Variants in MPDZ observed in about 807,000 individuals in gnomAD.
MPDZ encodes multiple PDZ domain crumbs cell polarity complex component.
Under a neutral mutation model 239.1 loss-of-function variants are expected in MPDZ, and 234 were observed. That is an observed-to-expected ratio of 0.98 (90% CI 0.88 to 1.09). The LOEUF is 1.09. Among genes scored for constraint, MPDZ ranks in the 50% least tolerant of loss-of-function variants. MPDZ has a pLI of 0.00. For missense variants in MPDZ, 3,175 were observed against 2,510.0 expected (o/e 1.26, Z -5.66); for synonymous variants, 1,048 against 881.3 (o/e 1.19, Z -3.35).
At chr9:13,121,514 T>G (rs1416698928) in intron 38 of MPDZ, among the ~76,000 whole-genome samples, 1 of 152,202 alleles carries the variant, frequency 6.6e-6, no homozygotes, top group Non-Finnish European at 1.5e-5. Flanking sequence ...TGCTCAAAAA[T>G]ACACCAAATG....
In MPDZ at chr9:13,110,128, T is replaced by C. The variant is rs547612496; in HGVS notation, c.5830-64A>G. 98 of 1,184,504 alleles carry C rather than the reference T, an allele frequency of 8.3e-5. No individual in the cohort carries two copies. In the African/African-American group the frequency reaches 1.2e-3, roughly 15 times the overall value. The allele number at this position is 1,184,504 out of a possible 1,614,324, so 73.4% of individuals were successfully genotyped here. A position where few individuals can be genotyped will look rare whatever the true frequency, so the allele number is the denominator to read the frequency against. On this transcript the variant is annotated intron_variant, in intron 44 of 46. Transcript: ENST00000319217. ...TCCTGTGGCTAGGGAAAGTAATTTT[T>C]CTTCAGAAAGAGCACTTGGATTAAA... is the stretch of plus-strand genomic sequence containing the variant.
intron 23 of MPDZ, among the ~76,000 whole-genome samples, chr9:13,159,985 G>T (rs1950269911): frequency 6.6e-6 from 1 of 152,112 alleles, no homozygotes; most frequent in Non-Finnish European, 1.5e-5. Context: ...ATAATAAGTA[G>T]ATCTCTTTAT....
At chr9:13,175,908 T>A (rs113628108) in intron 20 of MPDZ, 33 bp from the exon 21 acceptor site, 1 of 1,567,144 alleles carries the variant, frequency 6.4e-7, no homozygotes, top group East Asian at 2.3e-5. Flanking sequence ...ACAAGTCACA[T>A]GGAAAGGGAA....
intron 3 of MPDZ, among the ~76,000 whole-genome samples, chr9:13,232,080 T>C (rs1962651290): frequency 6.6e-6 from 1 of 152,076 alleles, no homozygotes; most frequent in Admixed American, 6.6e-5. Flanking sequence ...TTTTAGGTAA[T>C]ACAATAAGGC....
chr9:13,113,854 T>C lies in MPDZ; in HGVS notation c.5557+77A>G, dbSNP rs569344999. ...GGGATGATTTGGGGGAAAAGAAAGC[T>C]CAGAGGTAAACAAGACAAAAAAATC... On this transcript the variant is annotated intron_variant, in intron 41 of 46. Coordinates refer to ENST00000319217, the MANE Select transcript of MPDZ (RefSeq NM_001378778.1). 165 of 1,115,568 alleles carry C rather than the reference T, an allele frequency of 1.5e-4. No homozygotes were observed. In the African/African-American group the frequency reaches 2.4e-3, roughly 16 times the overall value. 69.1% of individuals were successfully genotyped at this position (1,115,568 alleles called of 1,614,324 possible).
intron 13 of MPDZ, among the ~76,000 whole-genome samples, chr9:13,194,123 T>C (rs546578825): frequency 6.6e-6 from 1 of 152,264 alleles, no homozygotes; most frequent in East Asian, 1.9e-4. Flanking sequence ...GTTACACTAC[T>C]TCCCTTATGA....
At chr9:13,210,455 T>C (rs930275022) in intron 10 of MPDZ, among the ~76,000 whole-genome samples, 1 of 151,418 alleles carries the variant, frequency 6.6e-6, no homozygotes, top group African/African-American at 2.4e-5. Context: ...AAGAATGCTA[T>C]ATACCCTACC....
At chr9:13,239,929 G>T (rs1964972606) in intron 3 of MPDZ, among the ~76,000 whole-genome samples, 1 of 151,956 alleles carries the variant, frequency 6.6e-6, no homozygotes, top group Admixed American at 6.6e-5. Context: ...ACAATTCTGT[G>T]TTTTCTTAGC....
intron 1 of MPDZ, among the ~76,000 whole-genome samples, chr9:13,261,412 T>G (rs975798170): frequency 1.3e-5 from 2 of 152,126 alleles, no homozygotes; most frequent in Admixed American, 6.5e-5. Flanking sequence ...ACCTATTTGT[T>G]CAAACACAGT....
chr9:13,199,477 TGGA>T lies in MPDZ; in HGVS notation c.1547-3250_1547-3248del, dbSNP rs1426402775. 7.9e-5 allele frequency among the ~76,000 whole-genome samples: 12 copies of T among 152,178 alleles called. No individual in the cohort carries two copies. The East Asian group carries it at 2.3e-3, about 29-fold the overall frequency. ...CAATTTGACTTATCTCTTTCCAATC[TGGA>T]TGCCCGTTATTTCCTTCTCTTGCTT... On this transcript the variant is annotated intron_variant, in intron 12 of 46. Transcript: ENST00000319217.
chr9:13,107,494 A>C (rs946437032), intron 46 of MPDZ, among the ~76,000 whole-genome samples: 2 of 152,198 alleles, frequency 1.3e-5, no homozygotes, highest in Non-Finnish European at 2.9e-5. Flanking sequence ...AAAGAAGGTA[A>C]AGGATTAGGT....
At chr9:13,145,180 A>T (rs1429355213) in intron 26 of MPDZ, among the ~76,000 whole-genome samples, 1 of 152,088 alleles carries the variant, frequency 6.6e-6, no homozygotes, top group Non-Finnish European at 1.5e-5. Context: ...TATTAGGAAA[A>T]GATATTTAGA....
intron 10 of MPDZ, among the ~76,000 whole-genome samples, chr9:13,212,103 G>A (rs553644045): frequency 2.8e-4 from 43 of 152,082 alleles, no homozygotes; most frequent in African/African-American, 1.0e-3. Flanking sequence ...CTATCTAAAA[G>A]TGAAGTTTTA....
chr9:13,198,737 C>CTGTGTG (rs1554691393), intron 12 of MPDZ, among the ~76,000 whole-genome samples: 14 of 69,714 alleles, frequency 2.0e-4, no homozygotes, highest in African/African-American at 7.2e-4. Flanking sequence ...ATCTCTCTCT[C>CTGTGTG]TGTGTGTGTG....
In MPDZ at chr9:13,268,620, T is replaced by C. The variant is rs1972311982; in HGVS notation, c.-58+10780A>G. 2.6e-5 allele frequency among the ~76,000 whole-genome samples: 4 copies of C among 152,040 alleles called. 1 individual carries two copies. On this transcript the variant is annotated intron_variant, in intron 1 of 46. Transcript: ENST00000319217. ...CTGCCAACGTGAGTCAGAAAGAATTTGTAAGAGATATGACACATGAATCAT... is the reference window on the plus strand; with the variant it reads ...CTGCCAACGTGAGTCAGAAAGAATTCGTAAGAGATATGACACATGAATCAT...
intron 1 of MPDZ, among the ~76,000 whole-genome samples, chr9:13,267,213 T>C (rs1446157546): frequency 6.6e-6 from 1 of 152,214 alleles, no homozygotes; most frequent in Non-Finnish European, 1.5e-5. Flanking sequence ...ATAGGCTACA[T>C]AAGTAAATTT....
chr9:13,223,281 T>A (rs1959357801), intron 5 of MPDZ, among the ~76,000 whole-genome samples: 1 of 151,618 alleles, frequency 6.6e-6, no homozygotes. Context: ...ATGGTAATTT[T>A]AAAAATCTAA....
At position 13,176,358 on chromosome 9, in the gene MPDZ, T is replaced by C. The variant is rs377459153; in HGVS notation, c.2709A>G (p.Leu903=). ...GTCTTTGCAGGAGATTCTGGGTATA[T>C]AGTTCCTCCAGAGACATATGCAGAT... The part of the protein sequence containing the change: ...VLDLHMSLEE[L]YTQNLLQRQD... The change falls in exon 20 of 47, where the codon CTA becomes CTG. Residue 903 remains leucine (L), a synonymous_variant. Coordinates refer to ENST00000319217, the MANE Select transcript of MPDZ (RefSeq NM_001378778.1). The C allele has an allele frequency of 5.7e-5, 92 of 1,606,554 alleles. 1 individual carries two copies. The highest frequency in any genetic ancestry group is 5.2e-4 in the East Asian group (23 of 44,572).
At chr9:13,259,235 G>T (rs942177742) in intron 1 of MPDZ, among the ~76,000 whole-genome samples, 1 of 148,900 alleles carries the variant, frequency 6.7e-6, no homozygotes, top group Non-Finnish European at 1.5e-5. Context: ...TATAGCCTCC[G>T]CCTCCTGGGT....
Sources: gnomAD v4.1 joint callset for allele counts (sites outside exome capture counted in the v4.1 genomes callset) on GRCh38, gnomAD v4.1.1 for gene constraint, MANE v1.5 for transcripts, NCBI Gene and HGNC (gene_info 2026-07-23, HGNC 2026-07-21) for gene names.